Variants in KIF4A observed in about 807,000 individuals in gnomAD.
The protein encoded by KIF4A is chromosome-associated kinesin KIF4A.
A neutral mutation model predicts 105.9 loss-of-function variants in KIF4A; 7 were observed. The observed-to-expected ratio is 0.07, with a 90% CI of 0.04 to 0.12. KIF4A has a LOEUF of 0.12. Among genes scored for constraint, KIF4A ranks in the 10% least tolerant of loss-of-function variants. KIF4A has a pLI of 1.00. For synonymous variants in KIF4A, 281 were observed against 331.3 expected (o/e 0.85, Z 1.65); for missense variants, 558 against 929.2 (o/e 0.60, Z 5.19).
chrX:70,399,196 ATTGT>A (rs2086271279), intron 22 of KIF4A, among the ~76,000 whole-genome samples: 1 of 112,254 alleles, frequency 8.9e-6, no homozygotes, highest in Non-Finnish European at 1.9e-5. Context: ...AAGCACTGCG[ATTGT>A]TTGAGGTGTG....
Position 70,375,340 on chromosome X carries a change from G to C in KIF4A, c.1915G>C (p.Glu639Gln), listed in dbSNP as rs2086170773. 4.1e-6 allele frequency: 5 copies of C among 1,209,264 alleles called. No individual in the cohort carries two copies. The Admixed American group carries it at 8.8e-5, about 21-fold the overall frequency. Residue 639 changes from glutamate (E) to glutamine (Q), a missense_variant, in exon 17 of 31, where the codon GAG becomes CAG. Transcript: ENST00000374403. ...GCGTACTGTCTCCAAACTGAACCAG[G>C]AGATACGGGTAATAAATTCTCATCC... ...TERTVSKLNQ[E>Q]IRMMKNQRVQ...
chrX:70,296,899 A>G (rs1387221740), intron 3 of KIF4A, 99 bp from the exon 4 acceptor site: 9 of 926,054 alleles, frequency 9.7e-6, no homozygotes, highest in South Asian at 2.3e-5. Context: ...TAAGAGAGCA[A>G]TCTCAGTTTT....
intron 20 of KIF4A, among the ~76,000 whole-genome samples, chrX:70,387,679 C>T (rs765256042): frequency 1.8e-5 from 2 of 111,765 alleles, no homozygotes; most frequent in East Asian, 5.6e-4. Context: ...ACCAGCCTGA[C>T]CAACATGGTG....
intron 18 of KIF4A, among the ~76,000 whole-genome samples, chrX:70,377,760 A>G (rs909477642): frequency 1.8e-5 from 2 of 111,751 alleles, no homozygotes; most frequent in Non-Finnish European, 3.8e-5. Flanking sequence ...ACATGATGAA[A>G]CACCGTGTCT....
intron 15 of KIF4A, among the ~76,000 whole-genome samples, chrX:70,366,120 C>T (rs748391372): frequency 6.3e-5 from 7 of 111,530 alleles, no homozygotes; most frequent in African/African-American, 2.3e-4. Flanking sequence ...TGCGTCCAGT[C>T]TATTTGATTC....
chrX:70,419,282 GTC>G (rs1449199979), intron 29 of KIF4A, among the ~76,000 whole-genome samples: 2 of 111,786 alleles, frequency 1.8e-5, no homozygotes, highest in Admixed American at 9.5e-5. Context: ...ATCTCTATCT[GTC>G]TCTCTCTCGG....
chrX:70,324,657 C>A (rs764798991), intron 7 of KIF4A, among the ~76,000 whole-genome samples: 8 of 110,107 alleles, frequency 7.3e-5, no homozygotes, highest in African/African-American at 2.3e-4. Flanking sequence ...TTTTTATTTG[C>A]ACATTTTAAA....
chrX:70,357,269 A>G (rs1360148248), intron 15 of KIF4A, among the ~76,000 whole-genome samples: 4 of 111,768 alleles, frequency 3.6e-5, no homozygotes, highest in East Asian at 2.8e-4. Context: ...AGCCGAGATC[A>G]CGCCACTGCA....
At chrX:70,403,255 A>G (rs1048199602) in intron 23 of KIF4A, among the ~76,000 whole-genome samples, 8 of 112,383 alleles carry the variant, frequency 7.1e-5, no homozygotes, top group Non-Finnish European at 1.5e-4. Flanking sequence ...AGTTTAAACA[A>G]TGCTACCCTT....
intron 17 of KIF4A, among the ~76,000 whole-genome samples, 171 bp downstream of exon 17, chrX:70,375,519 C>T (rs1018152050): frequency 1.8e-5 from 2 of 111,931 alleles, no homozygotes; most frequent in African/African-American, 6.5e-5. Context: ...TGCTAGTGGT[C>T]ATCTAGGATC....
At chrX:70,362,724 G>C (rs2086081579) in intron 15 of KIF4A, among the ~76,000 whole-genome samples, 1 of 109,970 alleles carries the variant, frequency 9.1e-6, no homozygotes, top group Non-Finnish European at 1.9e-5. Flanking sequence ...TAGAGACAGG[G>C]TTTCACCATG....
rs372415844 is a variant in KIF4A, at chrX:70,389,738, A to T, written c.2232+2441A>T. On this transcript the variant is annotated intron_variant, in intron 20 of 30. Transcript: ENST00000374403. ...CTATTTCAGATTGTTTCATTGATCTATATGTCTATTTTTATGCCAATACCA... is the reference window on the plus strand; with the variant it reads ...CTATTTCAGATTGTTTCATTGATCTTTATGTCTATTTTTATGCCAATACCA... Among the ~76,000 whole-genome samples, 254 of 112,596 alleles carry T rather than the reference A, an allele frequency of 2.3e-3. 1 individual carries two copies. The highest frequency in any genetic ancestry group is 0.014 in the Middle Eastern group (3 of 219).
At chrX:70,335,809 G>A (rs2085948132) in intron 10 of KIF4A, among the ~76,000 whole-genome samples, 1 of 111,669 alleles carries the variant, frequency 9.0e-6, no homozygotes, top group Non-Finnish European at 1.9e-5. Flanking sequence ...AGGGGAGTGG[G>A]TGGTGAGAAA....
rs767850019 is a variant in KIF4A at position 70,408,951 on chromosome X, C to T, written c.3255+1876C>T. 1.4e-4 allele frequency among the ~76,000 whole-genome samples: 16 copies of T among 112,080 alleles called. No homozygotes were observed. The South Asian group carries it at 5.6e-3, about 39-fold the overall frequency. On this transcript the variant is annotated intron_variant, in intron 28 of 30. Transcript: ENST00000374403. The stretch of plus-strand genomic sequence containing the variant: ...CACGATCTTGGCTCACCACAACCTC[C>T]TCCTCCCGGGTTCAAGCGATTCTCC...
In KIF4A at chrX:70,292,447, C is replaced by T. The variant is rs983777705; in HGVS notation, c.235+1642C>T. 6.2e-5 allele frequency among the ~76,000 whole-genome samples: 7 copies of T among 112,271 alleles called. 1 individual carries two copies. Among genetic ancestry groups the T allele is most frequent in the Admixed American group, 4.7e-4 (5 of 10,661 alleles). Reference sequence around the variant, plus strand: ...CTTTTCTCAATATTGTTTTGTCTGGCATTTACTTATGATTAGATTCAGGTT... The same window carrying T: ...CTTTTCTCAATATTGTTTTGTCTGGTATTTACTTATGATTAGATTCAGGTT... On this transcript the variant is annotated intron_variant, in intron 3 of 30. Transcript: ENST00000374403.
At chrX:70,294,336 A>ATCAG (rs2085772521) in intron 3 of KIF4A, among the ~76,000 whole-genome samples, 1 of 112,215 alleles carries the variant, frequency 8.9e-6, no homozygotes, top group Non-Finnish European at 1.9e-5. Context: ...GACCTGCCTG[A>ATCAG]GGCTGTTTTA....
At chrX:70,315,684 A>G (rs146484329) in intron 7 of KIF4A, among the ~76,000 whole-genome samples, 3,546 of 111,607 alleles carry the variant, frequency 0.032, 72 homozygotes, top group Non-Finnish European at 0.051. Context: ...TAGCAGGCGT[A>G]TTGCCAGTCA....
At chrX:70,329,661 G>A in intron 8 of KIF4A, 140 bp downstream of exon 8, 1 of 469,629 alleles carries the variant, frequency 2.1e-6, no homozygotes. Flanking sequence ...AGAGAGTGCT[G>A]TTGGCAAGCA....
chrX:70,315,777 G>A (rs1167263674), intron 7 of KIF4A, among the ~76,000 whole-genome samples: 1 of 112,028 alleles, frequency 8.9e-6, no homozygotes, highest in Admixed American at 9.5e-5. Context: ...TCAAGGTAGA[G>A]AGGACCCAAC....
Sources: allele counts gnomAD v4.1 joint callset (sites outside exome capture counted in the v4.1 genomes callset), GRCh38; gene constraint gnomAD v4.1.1; transcripts MANE v1.5; gene names NCBI Gene and HGNC (gene_info 2026-07-23, HGNC 2026-07-21).